Variants in CDH13 observed in about 807,000 individuals in gnomAD.
CDH13 encodes cadherin 13, also known as cadherin-13.
Under a neutral mutation model 63.8 loss-of-function variants are expected in CDH13, and 24 were observed. The ratio of observed to expected loss-of-function variants is 0.38; its 90% CI spans 0.27 to 0.53. The LOEUF (loss-of-function observed/expected upper bound fraction) is 0.53, where lower values mean the gene tolerates loss of function less well. Ranked by LOEUF, CDH13 falls within the 20% of genes least tolerant of loss-of-function variation. The probability of loss-of-function intolerance (pLI) is 0.85; values close to 1 mark genes in which losing one functional copy is unlikely to be tolerated. For missense variants in CDH13, 1,049 were observed against 903.1 expected, an observed-to-expected ratio of 1.16 and a Z score of -2.07; for synonymous variants, 503 against 355.3, an observed-to-expected ratio of 1.42 and a Z score of -4.67.
chr16:83,266,358 T>A (rs1907621534), intron 5 of CDH13, among the ~76,000 whole-genome samples: 1 of 152,228 alleles, frequency 6.6e-6, no homozygotes, highest in African/African-American at 2.4e-5. Context: ...CATGGATATA[T>A]GGTCCACTTT....
At chr16:83,309,585 C>T (rs1185292034) in intron 5 of CDH13, among the ~76,000 whole-genome samples, 1 of 152,170 alleles carries the variant, frequency 6.6e-6, no homozygotes. Flanking sequence ...CCATGTTGGT[C>T]AGGCTGATCT....
intron 1 of CDH13, among the ~76,000 whole-genome samples, chr16:82,666,213 T>G (rs1912566070): frequency 6.6e-6 from 1 of 152,202 alleles, no homozygotes; most frequent in South Asian, 2.1e-4. Context: ...AGGTGTTTAT[T>G]CATCTTTCCA....
At chr16:83,479,777 T>TCTA (rs1285892734) in intron 6 of CDH13, among the ~76,000 whole-genome samples, 1 of 152,150 alleles carries the variant, frequency 6.6e-6, no homozygotes, top group Non-Finnish European at 1.5e-5. Flanking sequence ...AGTTGGTCAT[T>TCTA]AGGAGAGAGG....
intron 1 of CDH13, among the ~76,000 whole-genome samples, chr16:82,699,682 A>T (rs2030752477): frequency 6.6e-6 from 1 of 152,204 alleles, no homozygotes; most frequent in Admixed American, 6.5e-5. Context: ...TTGCATCCTT[A>T]CACTTAATCC....
chr16:83,206,177 C>A (rs1208641481), intron 4 of CDH13, among the ~76,000 whole-genome samples: 12 of 152,178 alleles, frequency 7.9e-5, no homozygotes, highest in African/African-American at 2.7e-4. Context: ...CCTTCTCTCT[C>A]TGTCTGCTTC....
At chr16:83,664,773 A>T (rs868347231) in intron 8 of CDH13, among the ~76,000 whole-genome samples, 1 of 152,208 alleles carries the variant, frequency 6.6e-6, no homozygotes, top group Non-Finnish European at 1.5e-5. Context: ...GTCAAAACAT[A>T]AAAGCATCCA....
At chr16:83,066,693 C>G (rs1203121970) in intron 3 of CDH13, among the ~76,000 whole-genome samples, 1 of 152,140 alleles carries the variant, frequency 6.6e-6, no homozygotes, top group Non-Finnish European at 1.5e-5. Context: ...ACACAAAGTC[C>G]AAACGATCAG....
At chr16:82,704,854 C>T (rs1272729189) in intron 1 of CDH13, among the ~76,000 whole-genome samples, 1 of 152,150 alleles carries the variant, frequency 6.6e-6, no homozygotes, top group Non-Finnish European at 1.5e-5. Context: ...TAGGATAATG[C>T]ATGAACCATG....
intron 2 of CDH13, among the ~76,000 whole-genome samples, chr16:83,016,965 A>T (rs932525138): frequency 6.6e-6 from 1 of 152,014 alleles, no homozygotes; most frequent in Non-Finnish European, 1.5e-5. Flanking sequence ...CGATCTTGGG[A>T]TGTGTGATGA....
intron 2 of CDH13, among the ~76,000 whole-genome samples, chr16:82,913,748 C>T (rs1156691405): frequency 6.6e-6 from 1 of 151,554 alleles, no homozygotes; most frequent in Non-Finnish European, 1.5e-5. Flanking sequence ...AACAGCCGTT[C>T]CAAGGAAGTA....
intron 2 of CDH13, among the ~76,000 whole-genome samples, chr16:82,963,057 G>A (rs553827085): frequency 6.6e-5 from 10 of 151,970 alleles, no homozygotes; most frequent in South Asian, 4.2e-4. Flanking sequence ...ATCTTTATCC[G>A]TTTAACCAAC....
At chr16:82,672,038 G>C (rs964368110) in intron 1 of CDH13, among the ~76,000 whole-genome samples, 2 of 152,192 alleles carry the variant, frequency 1.3e-5, no homozygotes, top group African/African-American at 4.8e-5. Context: ...AGGGGCATTA[G>C]CTTCTCTTCT....
intron 3 of CDH13, among the ~76,000 whole-genome samples, chr16:83,045,606 T>C (rs1425174785): frequency 7.2e-6 from 1 of 138,340 alleles, no homozygotes; most frequent in African/African-American, 2.8e-5. Context: ...CACTGCAGTG[T>C]AGTCTGGGCG....
chr16:82,713,811 AAAAAACAAAC>A (rs1378704697), intron 1 of CDH13, among the ~76,000 whole-genome samples: 4 of 149,576 alleles, frequency 2.7e-5, no homozygotes, highest in African/African-American at 1.0e-4. Flanking sequence ...TTTGTGAAAA[AAAAAACAAAC>A]AAAAAAAAAG....
At chr16:83,398,036 C>T (rs1017005724) in intron 6 of CDH13, 1 of 129,282 alleles carries the variant, frequency 7.7e-6, no homozygotes, top group African/African-American at 3.0e-5. Flanking sequence ...TGTCTTCAGC[C>T]AGCCACAATT....
intron 5 of CDH13, among the ~76,000 whole-genome samples, chr16:83,231,729 C>T (rs1257542525): frequency 6.6e-6 from 1 of 152,090 alleles, no homozygotes; most frequent in African/African-American, 2.4e-5. Flanking sequence ...TGCCCCTCTA[C>T]AGAAAAAGCC....
intron 1 of CDH13, among the ~76,000 whole-genome samples, chr16:82,782,564 A>AATAAT (rs1555515553): frequency 6.6e-6 from 1 of 151,090 alleles, no homozygotes. Flanking sequence ...AAAAAAAAAA[A>AATAAT]AATAATAATA....
In CDH13 at chr16:83,401,299, A is replaced by G. The variant is rs577362390; in HGVS notation, c.781+56293A>G. Among the ~76,000 whole-genome samples, 183 of 151,768 alleles carry G rather than the reference A, an allele frequency of 1.2e-3. 1 individual carries two copies. Among genetic ancestry groups the G allele is most frequent in the African/African-American group, 4.3e-3 (178 of 41,394 alleles). ...GGTTGCAGTAAGCCGAGATCACGCC[A>G]TTGCACTCCAGCCTGAGTGACAGAG... On this transcript the variant is annotated intron_variant, in intron 6 of 13. Transcript: ENST00000567109.
chr16:83,412,741 GC>G (rs1223133976), intron 6 of CDH13, among the ~76,000 whole-genome samples: 1 of 152,202 alleles, frequency 6.6e-6, no homozygotes, highest in Non-Finnish European at 1.5e-5. Flanking sequence ...GAAGTCATGA[GC>G]CCCCTTAAGA....
Sources: gnomAD v4.1 joint callset for allele counts (sites outside exome capture counted in the v4.1 genomes callset) on GRCh38, gnomAD v4.1.1 for gene constraint, MANE v1.5 for transcripts, NCBI Gene and HGNC (gene_info 2026-07-23, HGNC 2026-07-21) for gene names.